Variants in NUDT11 observed in about 807,000 individuals in gnomAD.
NUDT11 encodes the protein diphosphoinositol polyphosphate phosphohydrolase 3-beta.
NUDT11 carries 1 observed loss-of-function variant against 10.0 expected under a neutral mutation model. The ratio of observed to expected loss-of-function variants is 0.10; its 90% CI spans 0.04 to 0.47. NUDT11 has a LOEUF of 0.47. NUDT11 is among the 20% of genes least tolerant of loss of function. The pLI is 0.96. For missense variants in NUDT11, 47 were observed against 140.4 expected (o/e 0.33, Z 3.36); for synonymous variants, 63 against 65.9 (o/e 0.96, Z 0.21).
Position 51,496,043 on chromosome X carries a change from G to C in NUDT11, c.402C>G (p.Pro134=), listed in dbSNP as rs782141515. ...GTTTCTCCAGATATTCGGCGTGCAC[G>C]GGCTTGTGGCACTGGAGAACCTTGA... ...DAIKVLQCHK[P]VHAEYLEKLK... The change falls in exon 1 of 2, where the codon CCC becomes CCG. Residue 134 remains proline (P), a synonymous_variant. Coordinates refer to ENST00000375992, the MANE Select transcript of NUDT11 (RefSeq NM_018159.4). The C allele has an allele frequency of 5.8e-6, 7 of 1,209,967 alleles. No individual in the cohort carries two copies. In the East Asian group the frequency reaches 2.1e-4, roughly 36 times the overall value.
intron 1 of NUDT11, 82 bp downstream of exon 1, chrX:51,495,869 T>G (rs1925691715): frequency 5.2e-6 from 6 of 1,158,859 alleles, no homozygotes; most frequent in South Asian, 2.0e-5. Flanking sequence ...AGACCGCACA[T>G]GGCACGAGAG....
Position 51,496,364 on chromosome X carries a change from G to A in NUDT11, c.81C>T (p.Ser27=), listed in dbSNP as rs200589562. The A allele has an allele frequency of 3.5e-4, 424 of 1,206,779 alleles. No individual in the cohort carries two copies. The highest frequency in any genetic ancestry group is 4.4e-4 in the Non-Finnish European group (396 of 894,028). Residue 27 remains serine, a synonymous_variant, in exon 1 of 2, where the codon AGC becomes AGT. Transcript: ENST00000375992. ...KKRAACLCFR[S]EREDEVLLVS... is the part of the protein sequence containing the mutation. ...CTAACAGGACCTCGTCCTCGCGTTC[G>A]CTCCGGAAGCACAGGCACGCCGCCC... is the stretch of plus-strand genomic sequence containing the variant.
At chrX:51,495,151 A>G (rs1255445850) in intron 1 of NUDT11, among the ~76,000 whole-genome samples, 2 of 111,989 alleles carry the variant, frequency 1.8e-5, no homozygotes, top group African/African-American at 3.2e-5. Context: ...GTTAATCTAC[A>G]TGGGAAATAG....
At chrX:51,493,203 G>T (rs1038306165) in intron 1 of NUDT11, among the ~76,000 whole-genome samples, 2 of 111,717 alleles carry the variant, frequency 1.8e-5, no homozygotes, top group Admixed American at 1.9e-4. Context: ...ATATTCACAA[G>T]AATAAAACAC....
chrX:51,494,971 G>A (rs1454898451), intron 1 of NUDT11, among the ~76,000 whole-genome samples: 10 of 111,585 alleles, frequency 9.0e-5, no homozygotes, highest in Non-Finnish European at 1.1e-4. Context: ...ATGGGAGGGA[G>A]ACCACTTTCA....
rs1925690168 is a variant in NUDT11, at chrX:51,495,835, AAAG to A, written c.494+113_494+115del. ...ATTCAGAGGGTCTGCCAAGGAAACA[AAAG>A]AAGCCTCCCTCCTCCCCGTGAGACC... On this transcript the variant is annotated intron_variant, in intron 1 of 1. Transcript: ENST00000375992. The A allele has an allele frequency of 6.6e-6, 7 of 1,064,561 alleles. No individual in the cohort carries two copies. The South Asian group carries it at 1.4e-4, about 21-fold the overall frequency. The allele number at this position is 1,064,561 out of a possible 1,213,427, so 87.7% of individuals were successfully genotyped here.
intron 1 of NUDT11, among the ~76,000 whole-genome samples, chrX:51,492,023 T>G (rs1213320802): frequency 8.9e-6 from 1 of 111,921 alleles, no homozygotes; most frequent in African/African-American, 3.3e-5. Flanking sequence ...ATATCCTAAA[T>G]TCCATGTTAC....
chrX:51,492,846 CAG>C (rs1240884891), intron 1 of NUDT11, among the ~76,000 whole-genome samples: 1 of 112,438 alleles, frequency 8.9e-6, no homozygotes, highest in Non-Finnish European at 1.9e-5. Context: ...TAAAGTCTTT[CAG>C]AGAGTACCTG....
chrX:51,495,274 T>C (rs1925674864), intron 1 of NUDT11, among the ~76,000 whole-genome samples: 1 of 111,803 alleles, frequency 8.9e-6, no homozygotes, highest in African/African-American at 3.3e-5. Flanking sequence ...TGAGATCCCA[T>C]TTCAGAAGCT....
chrX:51,492,678 GCTCT>G (rs1243046913), intron 1 of NUDT11, among the ~76,000 whole-genome samples: 1 of 111,606 alleles, frequency 9.0e-6, no homozygotes, highest in African/African-American at 3.3e-5. Flanking sequence ...CCCAGCCCAT[GCTCT>G]CTTATTCTTA....
At chrX:51,491,877 C>A (rs1602115875) in intron 1 of NUDT11, 128 bp from the exon 2 acceptor site, 2 of 530,046 alleles carry the variant, frequency 3.8e-6, no homozygotes, top group East Asian at 3.4e-5. Flanking sequence ...ACAGAATTAT[C>A]TAATGCAGAT....
At chrX:51,492,264 C>G (rs1222006111) in intron 1 of NUDT11, among the ~76,000 whole-genome samples, 1 of 111,452 alleles carries the variant, frequency 9.0e-6, no homozygotes, top group Non-Finnish European at 1.9e-5. Context: ...AACTGAGCGT[C>G]AGATAGTTAG....
rs1271941312 is a variant in NUDT11 at position 51,495,809 on chromosome X, G to T, written c.494+142C>A. The T allele has an allele frequency of 6.4e-6, 6 of 930,461 alleles. No individual in the cohort carries two copies. In the East Asian group the frequency reaches 1.4e-4, roughly 21 times the overall value. 76.7% of individuals were successfully genotyped at this position (930,461 alleles called of 1,213,427 possible). A position where few individuals can be genotyped will look rare whatever the true frequency, so the allele number is the denominator to read the frequency against. On this transcript the variant is annotated intron_variant, in intron 1 of 1. Coordinates refer to ENST00000375992, the MANE Select transcript of NUDT11 (RefSeq NM_018159.4). ...GGCAACTGAGACAGTTTGCAAGCGT[G>T]ATTCAGAGGGTCTGCCAAGGAAACA...
chrX:51,493,167 C>T (rs1925630718), intron 1 of NUDT11, among the ~76,000 whole-genome samples: 2 of 112,079 alleles, frequency 1.8e-5, no homozygotes, highest in African/African-American at 6.5e-5. Flanking sequence ...CCAGTATATG[C>T]ATCTATATTA....
chrX:51,492,259 A>G (rs1602116070), intron 1 of NUDT11, among the ~76,000 whole-genome samples: 1 of 111,765 alleles, frequency 8.9e-6, no homozygotes, highest in East Asian at 2.8e-4. Flanking sequence ...TTTTAAACTG[A>G]GCGTCAGATA....
At chrX:51,495,548 A>G (rs184259010) in intron 1 of NUDT11, among the ~76,000 whole-genome samples, 443 of 111,798 alleles carry the variant, frequency 4.0e-3, no homozygotes, top group Non-Finnish European at 5.0e-3. Context: ...ACCCACGAAT[A>G]TGTGTGAAAT....
intron 1 of NUDT11, 81 bp from the exon 2 acceptor site, chrX:51,491,830 T>G (rs953515262): frequency 8.8e-6 from 5 of 566,302 alleles, no homozygotes; most frequent in Non-Finnish European, 1.6e-5. Context: ...GAGCTTATTA[T>G]GTACATCAAT....
rs966202645 is a variant in NUDT11 at position 51,491,749 on chromosome X, T to C, written c.495A>G (p.Ter165=). ...CAATACTGAACATCTTTGCTGTTCA[T>C]CTGGAAAAACAAACCAACACACAAT... The part of the protein sequence containing the change: ...MAPSSPDSDP[*] Residue 165 remains the stop codon, a splice_region_variant and stop_retained_variant, in exon 2 of 2, where the codon TAA becomes TAG. Coordinates refer to ENST00000375992, the MANE Select transcript of NUDT11 (RefSeq NM_018159.4). 1.8e-6 allele frequency: 1 copy of C among 571,145 alleles called. No individual in the cohort carries two copies. The highest frequency in any genetic ancestry group is 2.2e-5 in the Admixed American group (1 of 45,245). 47.1% of individuals were successfully genotyped at this position (571,145 alleles called of 1,213,427 possible).
chrX:51,495,810 A>T (rs1438803968), intron 1 of NUDT11, 141 bp downstream of exon 1: 29 of 943,054 alleles, frequency 3.1e-5, no homozygotes, highest in Admixed American at 3.0e-4. Flanking sequence ...TGCAAGCGTG[A>T]TTCAGAGGGT....
Sources: allele counts gnomAD v4.1 joint callset (sites outside exome capture counted in the v4.1 genomes callset), GRCh38; gene constraint gnomAD v4.1.1; transcripts MANE v1.5; gene names NCBI Gene and HGNC (gene_info 2026-07-23, HGNC 2026-07-21).